The following ZNF385D variants were observed in gnomAD, a reference collection of about 807,000 sequenced individuals.
ZNF385D encodes zinc finger protein 659.
Under a neutral mutation model 35.8 loss-of-function variants are expected in ZNF385D, and 15 were observed. That is an observed-to-expected ratio of 0.42 (90% CI 0.28 to 0.64). The LOEUF is 0.64. Among genes scored for constraint, ZNF385D ranks in the 30% least tolerant of loss-of-function variants. ZNF385D has a pLI of 0.23. For synonymous variants in ZNF385D, 212 were observed against 186.8 expected (o/e 1.13, Z -1.10); for missense variants, 474 against 494.6 (o/e 0.96, Z 0.39).
At chr3:21,629,199 A>G (rs902838502) in intron 2 of ZNF385D, among the ~76,000 whole-genome samples, 1 of 152,068 alleles carries the variant, frequency 6.6e-6, no homozygotes, top group Non-Finnish European at 1.5e-5. Context: ...AAGACTTTCT[A>G]AAAGTTGTGG....
At chr3:22,226,929 C>T (rs1698591782) in intron 2 of ZNF385D, among the ~76,000 whole-genome samples, 1 of 152,054 alleles carries the variant, frequency 6.6e-6, no homozygotes, top group African/African-American at 2.4e-5. Context: ...TTCATTCTTC[C>T]TTGACATATT....
chr3:22,017,864 T>A (rs1392759820), intron 3 of ZNF385D, among the ~76,000 whole-genome samples: 1 of 151,924 alleles, frequency 6.6e-6, no homozygotes, highest in Non-Finnish European at 1.5e-5. Flanking sequence ...ACGTATTTCA[T>A]CTGAATTACT....
At chr3:22,236,176 G>GA (rs1185943816) in intron 2 of ZNF385D, among the ~76,000 whole-genome samples, 3 of 151,858 alleles carry the variant, frequency 2.0e-5, no homozygotes, top group Non-Finnish European at 2.9e-5. Context: ...TATAATCCAG[G>GA]AAAAAATTTT....
chr3:21,668,955 A>G (rs1371169414), intron 1 of ZNF385D, among the ~76,000 whole-genome samples: 5 of 152,208 alleles, frequency 3.3e-5, no homozygotes, highest in Non-Finnish European at 5.9e-5. Flanking sequence ...AGACATTTCT[A>G]TAGGTGAGAA....
At chr3:21,731,901 C>G (rs574170324) in intron 1 of ZNF385D, among the ~76,000 whole-genome samples, 23 of 151,998 alleles carry the variant, frequency 1.5e-4, no homozygotes, top group African/African-American at 5.5e-4. Context: ...ATTTTTAGTG[C>G]TTAATAATAT....
At chr3:21,753,656 ATC>A (rs1200042040), upstream of ZNF385D, among the ~76,000 whole-genome samples, 1 of 152,230 alleles carries the variant, frequency 6.6e-6, no homozygotes, top group African/African-American at 2.4e-5. Context: ...AAAGTTGTTT[ATC>A]TCTGGATGGA....
intron 2 of ZNF385D, among the ~76,000 whole-genome samples, chr3:21,642,329 C>A (rs922912799): frequency 7.2e-5 from 11 of 152,056 alleles, no homozygotes; most frequent in African/African-American, 2.7e-4. Flanking sequence ...TAAACCTTCC[C>A]TCTTAACCTC....
intron 3 of ZNF385D, among the ~76,000 whole-genome samples, chr3:21,812,964 T>A (rs62239202): frequency 0.083 from 12,571 of 152,076 alleles, 575 homozygotes; most frequent in Non-Finnish European, 0.1. Flanking sequence ...AACTGACACC[T>A]CATACAGCTG....
intron 3 of ZNF385D, among the ~76,000 whole-genome samples, chr3:21,780,267 T>G (rs2071438154): frequency 6.6e-6 from 1 of 151,958 alleles, no homozygotes; most frequent in South Asian, 2.1e-4. Context: ...TTTCACACAT[T>G]TCAAAAGAAA....
At position 21,821,583 on chromosome 3, in the gene ZNF385D, A is replaced by G. The variant is rs146018905; in HGVS notation, c.326-156555T>C. On this transcript the variant is annotated intron_variant, in intron 3 of 5. Transcript: ENST00000494108. ...TGCACATCTCACATCAGAAAGAAAA[A>G]ATTTATTGTACTTATGCAAAGATAT... Among the ~76,000 whole-genome samples, 370 of 152,296 alleles carry G rather than the reference A, an allele frequency of 2.4e-3. 1 individual carries two copies. The highest frequency in any genetic ancestry group is 8.6e-3 in the African/African-American group (356 of 41,560).
At chr3:22,004,380 T>A (rs1576131053) in intron 3 of ZNF385D, among the ~76,000 whole-genome samples, 1 of 81,818 alleles carries the variant, frequency 1.2e-5, no homozygotes, top group South Asian at 6.3e-4. Flanking sequence ...AACAAAAGTA[T>A]TATGGCCTAG....
At chr3:21,515,855 T>TAATCCTTTACTGC (rs1707523960) in intron 3 of ZNF385D, among the ~76,000 whole-genome samples, 1 of 152,198 alleles carries the variant, frequency 6.6e-6, no homozygotes, top group Non-Finnish European at 1.5e-5. Context: ...TTAGTTACTG[T>TAATCCTTTACTGC]AATCCTTTAC....
At chr3:22,308,642 T>C (rs1480559203) in intron 2 of ZNF385D, among the ~76,000 whole-genome samples, 1 of 151,700 alleles carries the variant, frequency 6.6e-6, no homozygotes, top group Non-Finnish European at 1.5e-5. Flanking sequence ...GAAAAAAGAG[T>C]TACTGAGATT....
intron 2 of ZNF385D, among the ~76,000 whole-genome samples, chr3:21,603,920 A>T (rs1454582641): frequency 2.6e-5 from 4 of 152,186 alleles, no homozygotes; most frequent in Non-Finnish European, 4.4e-5. Context: ...CTAATGAAAT[A>T]GGAGTAGAAG....
chr3:22,277,994 T>A (rs1300123158), intron 2 of ZNF385D, among the ~76,000 whole-genome samples: 1 of 152,088 alleles, frequency 6.6e-6, no homozygotes, highest in Non-Finnish European at 1.5e-5. Flanking sequence ...TTCTGATTTC[T>A]CCTACTTTCA....
chr3:21,934,579 C>A (rs1233375038), intron 3 of ZNF385D, among the ~76,000 whole-genome samples: 1 of 152,094 alleles, frequency 6.6e-6, no homozygotes, highest in African/African-American at 2.4e-5. Flanking sequence ...GCTTTAACTT[C>A]TAAGACAAAC....
chr3:22,133,262 A>G (rs1576375525), intron 3 of ZNF385D, among the ~76,000 whole-genome samples: 1 of 152,030 alleles, frequency 6.6e-6, no homozygotes, highest in Non-Finnish European at 1.5e-5. Flanking sequence ...TCACAAGAAA[A>G]TTTCCTTAAT....
chr3:22,327,001 C>A (rs767392146), intron 2 of ZNF385D, among the ~76,000 whole-genome samples: 1 of 152,162 alleles, frequency 6.6e-6, no homozygotes, highest in Non-Finnish European at 1.5e-5. Flanking sequence ...GTCATTAACT[C>A]CTCCCTGTAA....
chr3:22,025,812 G>A (rs1049109225), intron 3 of ZNF385D, among the ~76,000 whole-genome samples: 1 of 152,144 alleles, frequency 6.6e-6, no homozygotes, highest in Non-Finnish European at 1.5e-5. Flanking sequence ...CTGGACCAAT[G>A]CCTTGTGAGG....
Sources: allele counts gnomAD v4.1 joint callset (sites outside exome capture counted in the v4.1 genomes callset), GRCh38; gene constraint gnomAD v4.1.1; transcripts MANE v1.5; gene names NCBI Gene and HGNC (gene_info 2026-07-23, HGNC 2026-07-21).